WDR27: variants seen among roughly 807,000 people sequenced by gnomAD.
WDR27 encodes the protein WD repeat-containing protein 27.
A neutral mutation model predicts 114.4 loss-of-function variants in WDR27; 100 were observed. The observed-to-expected ratio is 0.87, with a 90% confidence interval of 0.74 to 1.03. The LOEUF (loss-of-function observed/expected upper bound fraction) is 1.03. WDR27 is among the 50% of genes least tolerant of loss of function. The probability of loss-of-function intolerance (pLI) is 0.00; values close to 1 mark genes in which losing one functional copy is unlikely to be tolerated. For missense variants in WDR27, 1,129 were observed against 1,092.9 expected (o/e 1.03, Z -0.47); for synonymous variants, 449 against 423.1 (o/e 1.06, Z -0.75).
At chr6:169,470,004 T>C (rs1786138612) in intron 25 of WDR27, among the ~76,000 whole-genome samples, 1 of 152,236 alleles carries the variant, frequency 6.6e-6, no homozygotes, top group African/African-American at 2.4e-5. Context: ...GGAGGAACCA[T>C]GCCATTCCTT....
intron 25 of WDR27, among the ~76,000 whole-genome samples, chr6:169,562,369 C>G (rs1050486419): frequency 2.0e-5 from 3 of 152,150 alleles, no homozygotes; most frequent in Non-Finnish European, 4.4e-5. Context: ...CATTTGAAAA[C>G]AAAACAGCAC....
chr6:169,437,958 G>C, the WDR27 span, among the ~76,000 whole-genome samples: 23 of 151,842 alleles, frequency 1.5e-4, no homozygotes, highest in Admixed American at 1.5e-3. Context: ...TTGTTATATG[G>C]GTATACTGTG....
chr6:169,552,989 TG>T, intron 25 of WDR27, among the ~76,000 whole-genome samples: 1 of 114,286 alleles, frequency 8.7e-6, no homozygotes, highest in African/African-American at 3.3e-5. Context: ...TGTGTGTGTG[TG>T]TGTGTGTGTG....
At chr6:169,668,277 G>C in intron 4 of WDR27, 92 bp from the exon 5 acceptor site, 1 of 1,275,872 alleles carries the variant, frequency 7.8e-7, no homozygotes, top group Non-Finnish European at 1.1e-6. Flanking sequence ...TGAGCTAAGA[G>C]GAAAGCTCAG....
rs370579184 is a variant in WDR27 at position 169,632,976 on chromosome 6, G to A, written c.2194C>T (p.Arg732Trp). Residue 732 changes from arginine to tryptophan, a missense_variant, in exon 21 of 26, where the codon CGG becomes TGG. By Grantham distance (101) the Arg-to-Trp change is moderately radical. Coordinates refer to ENST00000448612, the MANE Select transcript of WDR27 (RefSeq NM_182552.5). ...TTTTGGCAGATTTGATGGACAGGCC[G>A]TGAGTGGGCTTCCGCTATCACCGCT... ...SAAVIAEAHS[R>W]PVHQICQNKG... is the part of the protein sequence containing the mutation. 8.5e-5 allele frequency: 135 copies of A among 1,594,132 alleles called. No individual in the cohort carries two copies. Among genetic ancestry groups the A allele is most frequent in the African/African-American group, 8.0e-4 (60 of 74,774 alleles).
chr6:169,616,013 G>A (rs987306346), intron 21 of WDR27, among the ~76,000 whole-genome samples: 25 of 148,348 alleles, frequency 1.7e-4, no homozygotes, highest in African/African-American at 6.1e-4. Flanking sequence ...CGAACTCTGA[G>A]GAGGCAAGAT....
At chr6:169,601,241 C>T in intron 23 of WDR27, among the ~76,000 whole-genome samples, 1 of 152,136 alleles carries the variant, frequency 6.6e-6, no homozygotes, top group Non-Finnish European at 1.5e-5. Flanking sequence ...GAAATAAAAT[C>T]CTTTACAGAC....
chr6:169,534,172 T>G lies in WDR27; in HGVS notation c.2645+38247A>C, dbSNP rs144932763. On this transcript the variant is annotated intron_variant, in intron 25 of 25. Transcript: ENST00000448612. ...ATATGATTGTGTGGTTTTGTTTTGC[T>G]GATGTGATGCATTACATGTGCTAAT... is the stretch of plus-strand genomic sequence containing the variant. 1.5e-3 allele frequency among the ~76,000 whole-genome samples: 230 copies of G among 152,334 alleles called. 1 individual carries two copies. The highest frequency in any genetic ancestry group is 5.3e-3 in the African/African-American group (219 of 41,576).
At chr6:169,697,575 C>G (rs534996684) in intron 1 of WDR27, among the ~76,000 whole-genome samples, 3 of 152,208 alleles carry the variant, frequency 2.0e-5, no homozygotes, top group Non-Finnish European at 4.4e-5. Context: ...GCTCCTAGTC[C>G]GCCTTCAGGT....
At chr6:169,489,201 C>T (rs376617547) in intron 25 of WDR27, among the ~76,000 whole-genome samples, 2 of 152,164 alleles carry the variant, frequency 1.3e-5, no homozygotes, top group East Asian at 1.9e-4. Flanking sequence ...CCGCTGAGCA[C>T]CTCCTGTGCA....
chr6:169,582,823 A>G lies in WDR27; in HGVS notation c.2523+13T>C, dbSNP rs767774758. ...TGCAGCAGAGGCGCCCCACCCACTC[A>G]GCAAGACTGTACCTGGGGCGCTGAT... On this transcript the variant is annotated intron_variant, in intron 24 of 25. Coordinates refer to ENST00000448612, the MANE Select transcript of WDR27 (RefSeq NM_182552.5). The G allele has an allele frequency of 1.2e-6, 2 of 1,608,310 alleles. No individual in the cohort carries two copies. The highest frequency in any genetic ancestry group is 4.5e-5 in the East Asian group (2 of 44,852).
At chr6:169,488,780 C>A (rs1364585770) in intron 25 of WDR27, among the ~76,000 whole-genome samples, 1 of 152,144 alleles carries the variant, frequency 6.6e-6, no homozygotes, top group South Asian at 2.1e-4. Context: ...CAAGCCAGAG[C>A]TCCCAGTCAC....
intron 2 of WDR27, among the ~76,000 whole-genome samples, chr6:169,683,899 T>C (rs1782221059): frequency 1.3e-5 from 2 of 152,152 alleles, no homozygotes; most frequent in South Asian, 4.1e-4. Context: ...GCACGAAGTG[T>C]GCACTCCTCA....
intron 1 of WDR27, among the ~76,000 whole-genome samples, chr6:169,700,246 T>C (rs996199876): frequency 6.6e-6 from 1 of 152,232 alleles, no homozygotes; most frequent in Non-Finnish European, 1.5e-5. Flanking sequence ...CCAGGCCTGA[T>C]GGAGAGAACT....
chr6:169,444,323 A>C, the WDR27 span, among the ~76,000 whole-genome samples: 5 of 152,186 alleles, frequency 3.3e-5, no homozygotes, highest in Non-Finnish European at 7.3e-5. Flanking sequence ...CTCTAAAAAG[A>C]ATGTGTTTGG....
intron 25 of WDR27, among the ~76,000 whole-genome samples, chr6:169,569,321 G>T (rs1364660919): frequency 6.6e-6 from 1 of 152,044 alleles, no homozygotes; most frequent in African/African-American, 2.4e-5. Context: ...TAGAAATCTA[G>T]TATATTTTAA....
chr6:169,666,732 C>T lies in WDR27; in HGVS notation c.712+404G>A, dbSNP rs540938114. 21 of 991,646 alleles carry T rather than the reference C, an allele frequency of 2.1e-5. No individual in the cohort carries two copies. The South Asian group carries it at 8.9e-4, about 42-fold the overall frequency. 61.4% of individuals were successfully genotyped at this position (991,646 alleles called of 1,614,324 possible). ...GCTGCACACGTGCTCAGGACCTGAC[C>T]ATGAGGCCAGGTGTGGCGCACGCCC... On this transcript the variant is annotated intron_variant, in intron 6 of 25. Transcript: ENST00000448612.
chr6:169,457,687 T>A (rs992704353), intron 25 of WDR27, 53 bp from the exon 26 acceptor site: 2 of 1,408,194 alleles, frequency 1.4e-6, no homozygotes, highest in Non-Finnish European at 2.0e-6. Context: ...TATTAATTGA[T>A]AACTCTATAA....
chr6:169,612,280 G>T (rs570620891), intron 22 of WDR27, among the ~76,000 whole-genome samples: 2 of 151,964 alleles, frequency 1.3e-5, no homozygotes, highest in African/African-American at 2.4e-5. Flanking sequence ...TTAGCTGGGC[G>T]TGGTGGCGGG....
Sources: gnomAD v4.1 joint callset for allele counts (sites outside exome capture counted in the v4.1 genomes callset) on GRCh38, gnomAD v4.1.1 for gene constraint, MANE v1.5 for transcripts, NCBI Gene and HGNC (gene_info 2026-07-23, HGNC 2026-07-21) for gene names.